Variants in CLASP1 observed in about 807,000 individuals in gnomAD.
CLASP1 encodes the protein CLIP-associating protein 1.
CLASP1 carries 38 observed loss-of-function variants against 192.3 expected under a neutral mutation model. The ratio of observed to expected loss-of-function variants is 0.20; its 90% CI spans 0.15 to 0.26. The LOEUF is 0.26. Ranked by LOEUF, CLASP1 falls within the 10% of genes least tolerant of loss-of-function variation. CLASP1 has a pLI of 1.00. For synonymous variants in CLASP1, 691 were observed against 712.8 expected (o/e 0.97, Z 0.49); for missense variants, 1,433 against 1,932.5 (o/e 0.74, Z 4.85).
At chr2:121,479,034 CA>C (rs2092348462) in intron 8 of CLASP1, among the ~76,000 whole-genome samples, 2 of 87,982 alleles carry the variant, frequency 2.3e-5, no homozygotes, top group African/African-American at 5.1e-5. Flanking sequence ...ACACACACCC[CA>C]CACACACACA....
At chr2:121,480,386 C>A (rs1393433321) in intron 8 of CLASP1, among the ~76,000 whole-genome samples, 4 of 152,212 alleles carry the variant, frequency 2.6e-5, no homozygotes, top group African/African-American at 9.7e-5. Context: ...CACAATTCCT[C>A]TTTGGGTCTC....
exon 36 of CLASP1, chr2:121,365,223 C>T (rs1234023183): frequency 2.5e-6 from 4 of 1,613,774 alleles, no homozygotes; most frequent in East Asian, 4.5e-5. Context: ...CCTCCACTCG[C>T]TCATTGTGGT....
intron 1 of CLASP1, among the ~76,000 whole-genome samples, chr2:121,639,803 C>T (rs2071665116): frequency 7.0e-6 from 1 of 141,946 alleles, no homozygotes. Flanking sequence ...GCAGAGGTTG[C>T]AGTAAGCCAA....
chr2:121,633,007 C>CATATATATATATATATATATATATAT (rs71398038), intron 1 of CLASP1, among the ~76,000 whole-genome samples: 13 of 115,556 alleles, frequency 1.1e-4, no homozygotes, highest in African/African-American at 3.4e-4. Context: ...TATGTGTGTG[C>CATATATATATATATATATATATATAT]ATATATATAT....
At chr2:121,574,665 G>C (rs2060318177) in intron 2 of CLASP1, among the ~76,000 whole-genome samples, 1 of 148,982 alleles carries the variant, frequency 6.7e-6, no homozygotes, top group Admixed American at 6.7e-5. Context: ...AAAACCGGGT[G>C]CGGTGGCTCA....
At chr2:121,444,952 G>T in intron 19 of CLASP1, 1 of 1,359,174 alleles carries the variant, frequency 7.4e-7, no homozygotes, top group South Asian at 1.2e-5. Flanking sequence ...CCGCTTTAGT[G>T]GTAGTACCAT....
intron 2 of CLASP1, among the ~76,000 whole-genome samples, chr2:121,581,065 G>A (rs2061081300): frequency 1.3e-5 from 2 of 152,070 alleles, no homozygotes; most frequent in South Asian, 2.1e-4. Flanking sequence ...ACGTGAGGAA[G>A]GAAGATTCAC....
chr2:121,398,839 T>A (rs1025216082), intron 28 of CLASP1, among the ~76,000 whole-genome samples: 2 of 152,224 alleles, frequency 1.3e-5, no homozygotes, highest in Non-Finnish European at 2.9e-5. Context: ...TCCTTGGTCC[T>A]GGTCACTGCT....
Position 121,462,691 on chromosome 2 carries a change from A to C in CLASP1, c.866-86T>G, listed in dbSNP as rs1575095317. 17 of 763,116 alleles carry C rather than the reference A, an allele frequency of 2.2e-5. No homozygotes were observed. The East Asian group carries it at 4.0e-4, about 18-fold the overall frequency. 47.3% of individuals were successfully genotyped at this position (763,116 alleles called of 1,614,324 possible). ...GAAGAAGTCTAAACATACACAATCA[A>C]AATTACATTTTGGAAGATTCAGAAC... On this transcript the variant is annotated intron_variant, in intron 9 of 39. Coordinates refer to ENST00000263710, the Ensembl canonical transcript of CLASP1.
chr2:121,353,807 CACAG>C (rs1474647957), intron 37 of CLASP1, among the ~76,000 whole-genome samples: 2 of 152,182 alleles, frequency 1.3e-5, no homozygotes, highest in Non-Finnish European at 2.9e-5. Context: ...CACACACACA[CACAG>C]ATAGGGTCTT....
exon 33 of CLASP1, chr2:121,382,276 G>C (rs1290310159): frequency 2.5e-6 from 4 of 1,603,772 alleles, no homozygotes; most frequent in South Asian, 2.3e-5. Context: ...GCTGAGAAAA[G>C]GGAGGTGGGT....
intron 2 of CLASP1, chr2:121,532,267 A>C (rs1008695694): frequency 8.5e-5 from 13 of 152,272 alleles, no homozygotes; most frequent in African/African-American, 3.1e-4. Flanking sequence ...TAAAGAGAAC[A>C]ATTTGTAAAC....
chr2:121,457,421 C>T (rs1239083970), intron 14 of CLASP1, among the ~76,000 whole-genome samples: 1 of 151,268 alleles, frequency 6.6e-6, no homozygotes, highest in East Asian at 1.9e-4. Context: ...TCTCCTTCTG[C>T]CACTAACACC....
chr2:121,480,219 G>C (rs1364653677), intron 8 of CLASP1, among the ~76,000 whole-genome samples: 1 of 152,204 alleles, frequency 6.6e-6, no homozygotes, highest in Non-Finnish European at 1.5e-5. Flanking sequence ...GGGAAAGACA[G>C]GCAAGGAAAA....
intron 1 of CLASP1, among the ~76,000 whole-genome samples, chr2:121,624,575 C>T (rs971653091): frequency 2.0e-5 from 3 of 152,114 alleles, no homozygotes; most frequent in African/African-American, 7.2e-5. Flanking sequence ...CACCACCATG[C>T]CCGGCTAATT....
In CLASP1 at chr2:121,343,737, G is replaced by C. The variant is rs765000333; in HGVS notation, c.4531-2790C>G. Among the ~76,000 whole-genome samples, 5 of 152,200 alleles carry C rather than the reference G, an allele frequency of 3.3e-5. 1 individual carries two copies. Among genetic ancestry groups the C allele is most frequent in the Non-Finnish European group, 7.3e-5 (5 of 68,042 alleles). On this transcript the variant is annotated intron_variant, in intron 39 of 39. Transcript: ENST00000263710. ...GCAAAATGAAAAAAGTTTCGAAGAT[G>C]GATGGTAGTGATGGTTATACAACAA... is the stretch of plus-strand genomic sequence containing the variant.
chr2:121,524,154 G>C (rs1228634691), intron 6 of CLASP1, among the ~76,000 whole-genome samples: 1 of 152,144 alleles, frequency 6.6e-6, no homozygotes, highest in Non-Finnish European at 1.5e-5. Flanking sequence ...TCACCTGTCT[G>C]GCCAAAGTCA....
intron 21 of CLASP1, among the ~76,000 whole-genome samples, chr2:121,426,984 A>G (rs1311276520): frequency 6.6e-6 from 1 of 151,910 alleles, no homozygotes; most frequent in Non-Finnish European, 1.5e-5. Context: ...TTGAAGCAAC[A>G]CTTACCTGTA....
intron 23 of CLASP1, among the ~76,000 whole-genome samples, chr2:121,413,650 TATTTTCATACATATGA>T (rs2078093136): frequency 6.6e-6 from 1 of 152,240 alleles, no homozygotes; most frequent in South Asian, 2.1e-4. Flanking sequence ...ACAATACACT[TATTTTCATACATATGA>T]AATTATGTAT....
Sources: allele counts gnomAD v4.1 joint callset (sites outside exome capture counted in the v4.1 genomes callset), GRCh38; gene constraint gnomAD v4.1.1; transcripts MANE v1.5; gene names NCBI Gene and HGNC (gene_info 2026-07-23, HGNC 2026-07-21).